The following PVT1 variants were observed in gnomAD, a reference collection of about 807,000 sequenced individuals.
PVT1 encodes CXCR4/PVT1 fusion.
At chr8:127,875,958 A>G (rs1815400609) in intron 2 of PVT1, among the ~76,000 whole-genome samples, 1 of 152,228 alleles carries the variant, frequency 6.6e-6, no homozygotes. Context: ...GTCCTCTGAA[A>G]CAGGGTTTCT....
intron 2 of PVT1, among the ~76,000 whole-genome samples, chr8:127,828,093 T>A (rs1265423355): frequency 6.6e-6 from 1 of 152,208 alleles, no homozygotes; most frequent in East Asian, 1.9e-4. Flanking sequence ...GCAGGGTGTG[T>A]ATCTTCTTGC....
intron 3 of PVT1, among the ~76,000 whole-genome samples, chr8:127,973,307 A>G (rs1438730514): frequency 6.6e-6 from 1 of 152,190 alleles, no homozygotes; most frequent in Non-Finnish European, 1.5e-5. Flanking sequence ...GGAAATAAGA[A>G]TAATGGAGAG....
chr8:128,088,059 G>A (rs1048078597), intron 5 of PVT1, among the ~76,000 whole-genome samples: 6 of 151,992 alleles, frequency 3.9e-5, no homozygotes, highest in Non-Finnish European at 7.4e-5. Context: ...GTGCCCAGCC[G>A]CTACTTGTTT....
At chr8:127,850,848 G>T (rs1815099583) in intron 2 of PVT1, among the ~76,000 whole-genome samples, 1 of 151,896 alleles carries the variant, frequency 6.6e-6, no homozygotes, top group South Asian at 2.1e-4. Context: ...GCAAAACCCC[G>T]CCTCTACTAA....
chr8:127,850,464 A>G (rs1053412161), intron 2 of PVT1, among the ~76,000 whole-genome samples: 4 of 152,170 alleles, frequency 2.6e-5, no homozygotes, highest in Non-Finnish European at 5.9e-5. Context: ...CCTAAAGAAG[A>G]TAATTAATGA....
chr8:128,019,026 G>A (rs944897250), intron 4 of PVT1, among the ~76,000 whole-genome samples: 8 of 152,322 alleles, frequency 5.3e-5, no homozygotes, highest in South Asian at 2.1e-4. Flanking sequence ...CTGTCTAGCT[G>A]GTCTGGGCTG....
intron 4 of PVT1, among the ~76,000 whole-genome samples, chr8:128,023,217 T>C (rs188245553): frequency 6.6e-6 from 1 of 152,140 alleles, no homozygotes; most frequent in African/African-American, 2.4e-5. Context: ...TGAATCTCTT[T>C]TATCACCATG....
chr8:127,874,675 G>C (rs1815386029), intron 2 of PVT1, among the ~76,000 whole-genome samples: 1 of 152,108 alleles, frequency 6.6e-6, no homozygotes, highest in Non-Finnish European at 1.5e-5. Context: ...TATTACCTTT[G>C]GCCTGATTGT....
intron 2 of PVT1, among the ~76,000 whole-genome samples, chr8:127,881,461 ATT>A (rs1166518794): frequency 2.7e-4 from 38 of 140,828 alleles, no homozygotes; most frequent in African/African-American, 1.0e-3. Flanking sequence ...TATTATTATT[ATT>A]ATTTCAGATG....
At chr8:128,092,875 A>G (rs945224681) in intron 5 of PVT1, among the ~76,000 whole-genome samples, 26 of 152,252 alleles carry the variant, frequency 1.7e-4, no homozygotes, top group African/African-American at 5.8e-4. Flanking sequence ...ATCTCCTGCC[A>G]TCTATTCAGT....
Position 127,997,044 on chromosome 8 carries a change from G to GGTT in PVT1, n.912+7753_912+7754insGTT, listed in dbSNP as rs1554603119. Among the ~76,000 whole-genome samples, 487 of 81,574 alleles carry GGTT rather than the reference G, an allele frequency of 6.0e-3. 4 individuals are homozygous for GGTT. Among genetic ancestry groups the GGTT allele is most frequent in the Non-Finnish European group, 7.7e-3 (342 of 44,498 alleles). The allele number at this position is 81,574 out of a possible 152,430, so 53.5% of individuals were successfully genotyped here. A position where few individuals can be genotyped will look rare whatever the true frequency, so the allele number is the denominator to read the frequency against. On this transcript the variant is annotated intron_variant and non_coding_transcript_variant, in intron 4 of 10. Coordinates refer to ENST00000651587, the Ensembl canonical transcript of PVT1. ...GAACATTCACTGGTCATTTGCTTTC[G>GGTT]TTTTTTTTTTTTGTTTGTTTGTTTT...
intron 5 of PVT1, among the ~76,000 whole-genome samples, chr8:128,087,632 C>G (rs1382446264): frequency 6.6e-6 from 1 of 152,138 alleles, no homozygotes; most frequent in Non-Finnish European, 1.5e-5. Context: ...CAAAGAATGC[C>G]AGGGCTATGC....
At chr8:127,960,802 A>G (rs936532662) in intron 3 of PVT1, 8 of 319,732 alleles carry the variant, frequency 2.5e-5, no homozygotes, top group African/African-American at 4.5e-5. Context: ...AACATAGGGT[A>G]TTTCTCATTA....
chr8:127,812,297 A>AAGGCAGGAAGG (rs1421721935), intron 2 of PVT1, among the ~76,000 whole-genome samples: 1 of 149,970 alleles, frequency 6.7e-6, no homozygotes, highest in African/African-American at 2.5e-5. Context: ...GAAGAGAATG[A>AAGGCAGGAAGG]AAGGCTGGGC....
At chr8:127,830,652 G>C (rs920997947) in intron 2 of PVT1, among the ~76,000 whole-genome samples, 2 of 152,116 alleles carry the variant, frequency 1.3e-5, no homozygotes, top group East Asian at 3.8e-4. Context: ...GCGGGGCTGT[G>C]ATGGTTAATA....
intron 4 of PVT1, among the ~76,000 whole-genome samples, chr8:128,031,619 G>C (rs1174716473): frequency 6.6e-6 from 1 of 152,192 alleles, no homozygotes; most frequent in Non-Finnish European, 1.5e-5. Flanking sequence ...CTCTGTGTGT[G>C]TGCATCTGAT....
intron 2 of PVT1, among the ~76,000 whole-genome samples, chr8:127,823,831 T>A (rs547786374): frequency 5.1e-4 from 77 of 152,388 alleles, no homozygotes; most frequent in African/African-American, 1.7e-3. Flanking sequence ...GTCGAAGCAG[T>A]CGGCTTTGAT....
At chr8:127,917,374 G>C (rs1159247566) in intron 3 of PVT1, among the ~76,000 whole-genome samples, 1 of 152,210 alleles carries the variant, frequency 6.6e-6, no homozygotes, top group Non-Finnish European at 1.5e-5. Flanking sequence ...TGTCATGAGT[G>C]CTGGGATTCA....
At chr8:128,055,102 A>C (rs971771916) in intron 4 of PVT1, among the ~76,000 whole-genome samples, 1 of 152,202 alleles carries the variant, frequency 6.6e-6, no homozygotes, top group Non-Finnish European at 1.5e-5. Flanking sequence ...TAGACTTAAC[A>C]GTCCTCACAA....
Sources: allele counts gnomAD v4.1 joint callset (sites outside exome capture counted in the v4.1 genomes callset), GRCh38; gene constraint gnomAD v4.1.1; transcripts MANE v1.5; gene names NCBI Gene and HGNC (gene_info 2026-07-23, HGNC 2026-07-21).